CFAP20: variants seen among roughly 807,000 people sequenced by gnomAD.
CFAP20 encodes cilia- and flagella-associated protein 20.
A neutral mutation model predicts 25.5 loss-of-function variants in CFAP20; 14 were observed. That is an observed-to-expected ratio of 0.55 (90% CI 0.36 to 0.86). The LOEUF is 0.86. Among genes scored for constraint, CFAP20 ranks in the 40% least tolerant of loss-of-function variants. The probability of loss-of-function intolerance (pLI) is 0.01; values close to 1 mark genes in which losing one functional copy is unlikely to be tolerated. For synonymous variants in CFAP20, 75 were observed against 91.1 expected, an observed-to-expected ratio of 0.82 and a Z score of 1.01; for missense variants, 181 against 248.0, an observed-to-expected ratio of 0.73 and a Z score of 1.81.
At chr16:58,121,937 C>G (rs1338930092) in intron 1 of CFAP20, among the ~76,000 whole-genome samples, 1 of 152,248 alleles carries the variant, frequency 6.6e-6, no homozygotes, top group Non-Finnish European at 1.5e-5. Context: ...ACCCACTCAG[C>G]CTGGCAGGCA....
chr16:58,128,993 A>G, intron 1 of CFAP20, 39 bp downstream of exon 1: 1 of 1,579,494 alleles, frequency 6.3e-7, no homozygotes, highest in African/African-American at 1.4e-5. Context: ...GAGGGGGTGC[A>G]GCCCCTCCAC....
At chr16:58,115,064 A>AG (rs1169956906) in intron 4 of CFAP20, 144 bp from the exon 5 acceptor site, 80 of 973,328 alleles carry the variant, frequency 8.2e-5, no homozygotes, top group Non-Finnish European at 1.7e-5. Flanking sequence ...TTCTGGCAAG[A>AG]GGGAGGTCTT....
At chr16:58,124,560 T>C (rs558344438) in intron 1 of CFAP20, among the ~76,000 whole-genome samples, 12 of 152,346 alleles carry the variant, frequency 7.9e-5, no homozygotes, top group African/African-American at 1.7e-4. Context: ...AGCATACTAC[T>C]GTACTGAATA....
At chr16:58,118,725 G>T (rs1377447246) in intron 1 of CFAP20, among the ~76,000 whole-genome samples, 1 of 152,046 alleles carries the variant, frequency 6.6e-6, no homozygotes, top group Non-Finnish European at 1.5e-5. Context: ...AGGAGGCTGA[G>T]GTGGGAGGAT....
In CFAP20 at chr16:58,128,763, G is replaced by C. The variant is rs1029372928; in HGVS notation, c.84+269C>G. On this transcript the variant is annotated intron_variant, in intron 1 of 5. Coordinates refer to ENST00000262498, the MANE Select transcript of CFAP20 (RefSeq NM_013242.3). ...ACCGACCAAGTCAAGACAGCAGCGA[G>C]GGTCGCGGTCCTAACCACACCACAG... is the stretch of plus-strand genomic sequence containing the variant. Among the ~76,000 whole-genome samples, 3 of 152,190 alleles carry C rather than the reference G, an allele frequency of 2.0e-5. No homozygotes were observed. The South Asian group carries it at 6.2e-4, about 32-fold the overall frequency.
intron 1 of CFAP20, among the ~76,000 whole-genome samples, chr16:58,122,130 C>T (rs1960541708): frequency 6.6e-6 from 1 of 152,218 alleles, no homozygotes; most frequent in Non-Finnish European, 1.5e-5. Flanking sequence ...CCGACTCAGA[C>T]TCCCAGGCTC....
intron 1 of CFAP20, among the ~76,000 whole-genome samples, chr16:58,123,061 C>G (rs1340605995): frequency 6.6e-6 from 1 of 152,018 alleles, no homozygotes; most frequent in East Asian, 2.0e-4. Flanking sequence ...ATGGCACCAT[C>G]TCGGCTCACC....
At chr16:58,124,904 G>A (rs576818528) in intron 1 of CFAP20, among the ~76,000 whole-genome samples, 1 of 152,306 alleles carries the variant, frequency 6.6e-6, no homozygotes, top group South Asian at 2.1e-4. Flanking sequence ...GAGCCACTGT[G>A]CCTGGCCAGA....
chr16:58,125,137 A>G (rs1390573545), intron 1 of CFAP20, among the ~76,000 whole-genome samples: 1 of 152,106 alleles, frequency 6.6e-6, no homozygotes, highest in Non-Finnish European at 1.5e-5. Context: ...AACTTTTTAA[A>G]CTTTTTTGTT....
chr16:58,115,404 G>T lies in CFAP20; in HGVS notation c.330C>A (p.Ser110Arg). 3 of 1,614,238 alleles carry T rather than the reference G, an allele frequency of 1.9e-6. No individual in the cohort carries two copies. The highest frequency in any genetic ancestry group is 2.5e-6 in the Non-Finnish European group (3 of 1,180,044). Residue 110 changes from serine to arginine, a missense_variant, in exon 4 of 6, where the codon AGC becomes AGA. By Grantham distance (110) the Ser-to-Arg change is moderately radical. Transcript: ENST00000262498. The part of the protein sequence containing the change: ...RRRFRASNYQ[S>R]TTRVKPFICT... Reference sequence around the variant, plus strand: ...AGATGAAGGGTTTGACCCGGGTGGTGCTCTGGTAGTTACTTGCCCGAAAGC... The same window carrying T: ...AGATGAAGGGTTTGACCCGGGTGGTTCTCTGGTAGTTACTTGCCCGAAAGC...
At chr16:58,114,764 TC>T (rs753814566) in intron 5 of CFAP20, 45 bp downstream of exon 5, 4 of 1,472,342 alleles carry the variant, frequency 2.7e-6, no homozygotes, top group South Asian at 1.1e-5. Flanking sequence ...GGAACACAGC[TC>T]CCCCCACTCA....
chr16:58,115,479 C>T, intron 3 of CFAP20, 22 bp from the exon 4 acceptor site: 1 of 1,612,002 alleles, frequency 6.2e-7, no homozygotes, highest in Non-Finnish European at 8.5e-7. Context: ...AGAGAAGAAG[C>T]ATCACACTAG....
At chr16:58,126,881 T>C (rs1484984846) in intron 1 of CFAP20, among the ~76,000 whole-genome samples, 4 of 152,210 alleles carry the variant, frequency 2.6e-5, no homozygotes, top group Non-Finnish European at 4.4e-5. Flanking sequence ...CCCCAAACTT[T>C]CCTTTTTCTT....
chr16:58,114,144 T>C (rs941110648), intron 5 of CFAP20, 114 bp from the exon 6 acceptor site: 74 of 1,108,520 alleles, frequency 6.7e-5, no homozygotes, highest in Non-Finnish European at 1.0e-4. Flanking sequence ...CTGTGGAGAA[T>C]GGACACACAT....
intron 1 of CFAP20, among the ~76,000 whole-genome samples, chr16:58,122,842 C>T (rs960195378): frequency 2.6e-5 from 4 of 152,206 alleles, no homozygotes; most frequent in Non-Finnish European, 4.4e-5. Flanking sequence ...GGGAATCTAA[C>T]ACTATCCAGC....
At chr16:58,118,088 C>G (rs1960484067) in intron 1 of CFAP20, among the ~76,000 whole-genome samples, 1 of 152,180 alleles carries the variant, frequency 6.6e-6, no homozygotes, top group Non-Finnish European at 1.5e-5. Context: ...AATACAGATT[C>G]CTCCTCTCAA....
intron 4 of CFAP20, 95 bp from the exon 5 acceptor site, chr16:58,115,015 G>A (rs551330198): frequency 2.5e-5 from 29 of 1,154,216 alleles, no homozygotes; most frequent in African/African-American, 7.6e-5. Flanking sequence ...CTGGAAACGC[G>A]TCATCTCCGG....
At chr16:58,121,139 G>A (rs1960529075) in intron 1 of CFAP20, among the ~76,000 whole-genome samples, 1 of 152,116 alleles carries the variant, frequency 6.6e-6, no homozygotes, top group South Asian at 2.1e-4. Context: ...GAGGCGACAG[G>A]CAATTTGGGG....
intron 1 of CFAP20, among the ~76,000 whole-genome samples, chr16:58,127,688 A>C (rs1395949708): frequency 6.6e-6 from 1 of 151,276 alleles, no homozygotes; most frequent in African/African-American, 2.5e-5. Context: ...TAGCTTGTGG[A>C]TAGAATCATC....
Sources: gnomAD v4.1 joint callset for allele counts (sites outside exome capture counted in the v4.1 genomes callset) on GRCh38, gnomAD v4.1.1 for gene constraint, MANE v1.5 for transcripts, NCBI Gene and HGNC (gene_info 2026-07-23, HGNC 2026-07-21) for gene names.